The following CDK20 variants were observed in gnomAD, a reference collection of about 807,000 sequenced individuals.
The protein encoded by CDK20 is cyclin dependent kinase 20.
In CDK20, 40 loss-of-function variants were observed where a neutral mutation model predicts 38.6. The observed-to-expected ratio is 1.04, with a 90% CI of 0.81 to 1.35. CDK20 has a LOEUF of 1.35. Ranked by LOEUF, CDK20 falls within the 40% of genes most tolerant of loss-of-function variation. CDK20 has a pLI of 0.00. For synonymous variants in CDK20, 209 were observed against 185.7 expected, an observed-to-expected ratio of 1.13 and a Z score of -1.02; for missense variants, 512 against 452.6, an observed-to-expected ratio of 1.13 and a Z score of -1.19.
chr9:87,974,202 C>A, intron 1 of CDK20, 167 bp from the exon 2 acceptor site: 1 of 1,321,302 alleles, frequency 7.6e-7, no homozygotes. Context: ...GGGTAGGGGA[C>A]CAAGCCAGCT....
intron 6 of CDK20, 115 bp downstream of exon 6, chr9:87,969,681 C>G: frequency 6.7e-7 from 1 of 1,493,846 alleles, no homozygotes; most frequent in Non-Finnish European, 9.1e-7. Context: ...TGGTCCCTGT[C>G]CATCAAGGGG....
At chr9:87,967,708 G>C in intron 7 of CDK20, 49 bp from the exon 8 acceptor site, 1 of 1,422,030 alleles carries the variant, frequency 7.0e-7, no homozygotes, top group Non-Finnish European at 9.3e-7. Flanking sequence ...TCACCTCCCT[G>C]TCCCCAGCCT....
Position 87,966,726 on chromosome 9 carries a change from C to A in CDK20, c.*736G>T. Reference sequence around the variant, plus strand: ...CCTGAGGGAGTAGATGTTGGTAAACCAGCCTCATGTGCAGAGGGTCTCCTG... The same window carrying A: ...CCTGAGGGAGTAGATGTTGGTAAACAAGCCTCATGTGCAGAGGGTCTCCTG... On this transcript the variant is annotated 3_prime_UTR_variant, in exon 8 of 8. Transcript: ENST00000325303. 1 of 265,722 alleles carries A rather than the reference C, an allele frequency of 3.8e-6. No individual in the cohort carries two copies. The highest frequency in any genetic ancestry group is 7.5e-6 in the Non-Finnish European group (1 of 134,080). 16.5% of individuals were successfully genotyped at this position (265,722 alleles called of 1,614,324 possible). A position where few individuals can be genotyped will look rare whatever the true frequency, so the allele number is the denominator to read the frequency against.
At chr9:87,969,700 C>T (rs1829711980) in intron 6 of CDK20, 96 bp downstream of exon 6, 2 of 1,561,168 alleles carry the variant, frequency 1.3e-6, no homozygotes, top group South Asian at 2.4e-5. Context: ...GGGGTTGGGG[C>T]CAGGAGAGAG....
intron 2 of CDK20, among the ~76,000 whole-genome samples, chr9:87,973,230 G>T (rs929153839): frequency 6.6e-6 from 1 of 152,144 alleles, no homozygotes; most frequent in Admixed American, 6.5e-5. Context: ...AATGACACTA[G>T]GGGTGAAAGA....
chr9:87,973,038 T>C (rs1348075432), intron 2 of CDK20, among the ~76,000 whole-genome samples: 1 of 152,108 alleles, frequency 6.6e-6, no homozygotes, highest in South Asian at 2.1e-4. Flanking sequence ...CACACACAAA[T>C]ACACATTCAC....
Position 87,970,535 on chromosome 9 carries a change from A to G in CDK20, c.563+33T>C. The G allele has an allele frequency of 3.1e-6, 5 of 1,596,840 alleles. No homozygotes were observed. In the South Asian group the frequency reaches 4.4e-5, roughly 14 times the overall value. On this transcript the variant is annotated intron_variant, in intron 5 of 7. Coordinates refer to ENST00000325303, the MANE Select transcript of CDK20 (RefSeq NM_001039803.3). ...AGAGCCTAGCAGAAATCCATGAGCC[A>G]TGTTACCCTTTGACCACCCACAGGG...
intron 6 of CDK20, 58 bp downstream of exon 6, chr9:87,969,738 G>A: frequency 6.2e-7 from 1 of 1,608,788 alleles, no homozygotes. Context: ...GTGGTTACTT[G>A]CTGTTGGGAG....
At chr9:87,973,803 G>A (rs1830031556) in intron 2 of CDK20, 119 bp downstream of exon 2, 6 of 1,049,868 alleles carry the variant, frequency 5.7e-6, no homozygotes, top group Non-Finnish European at 7.1e-6. Context: ...GTGTGTGTGA[G>A]TGACAGCGGG....
intron 5 of CDK20, 69 bp from the exon 6 acceptor site, chr9:87,969,988 G>C: frequency 6.8e-7 from 1 of 1,477,282 alleles, no homozygotes; most frequent in Non-Finnish European, 9.0e-7. Context: ...CCACAGAGCA[G>C]CTCTAACACT....
chr9:87,967,242 G>A lies in CDK20; in HGVS notation c.*220C>T, dbSNP rs756519899. The A allele has an allele frequency of 1.4e-6, 1 of 697,328 alleles. No individual in the cohort carries two copies. Among genetic ancestry groups the A allele is most frequent in the Non-Finnish European group, 2.6e-6 (1 of 381,118 alleles). The allele number at this position is 697,328 out of a possible 1,614,324, so 43.2% of individuals were successfully genotyped here. A position where few individuals can be genotyped will look rare whatever the true frequency, so the allele number is the denominator to read the frequency against. On this transcript the variant is annotated 3_prime_UTR_variant, in exon 8 of 8. Transcript: ENST00000325303. ...CAGAAGGTAAGGCTCACCGAGCACA[G>A]GCCATGAATCTCCTCTGCTCGACTG...
chr9:87,971,172 C>T lies in CDK20; in HGVS notation c.353G>A (p.Cys118Tyr). 6.2e-7 allele frequency: 1 copy of T among 1,614,148 alleles called. No homozygotes were observed. Among genetic ancestry groups the T allele is most frequent in the Non-Finnish European group, 8.5e-7 (1 of 1,180,006 alleles). The change falls in exon 3 of 8, where the codon TGC (cysteine) becomes TAC (tyrosine). Residue 118 changes from cysteine to tyrosine, a missense_variant. Cys to Tyr is a radical substitution (Grantham distance 194). Coordinates refer to ENST00000325303, the MANE Select transcript of CDK20 (RefSeq NM_001039803.3). ...CCGATGTACAATGTTGTTGGCATGG[C>T]AGAAGGCGACACCCTTGAGCAGCAT... The part of the protein sequence containing the change: ...LQMLLKGVAF[C>Y]HANNIVHRDL...
chr9:87,970,719 G>A, intron 4 of CDK20, 57 bp downstream of exon 4: 2 of 1,612,854 alleles, frequency 1.2e-6, no homozygotes, highest in East Asian at 2.2e-5. Context: ...CTGGAGAAAA[G>A]GCCCAGAAGC....
chr9:87,967,681 C>G, intron 7 of CDK20, 22 bp from the exon 8 acceptor site: 1 of 1,458,282 alleles, frequency 6.9e-7, no homozygotes, highest in African/African-American at 1.4e-5. Flanking sequence ...AAGTAAGGAA[C>G]AGCAGAAGGA....
At chr9:87,973,800 T>A (rs1245745342) in intron 2 of CDK20, 122 bp downstream of exon 2, 4 of 1,007,708 alleles carry the variant, frequency 4.0e-6, no homozygotes, top group Non-Finnish European at 6.0e-6. Flanking sequence ...GCAGTGTGTG[T>A]GAGTGACAGC....
At chr9:87,968,987 T>A (rs974527206) in intron 7 of CDK20, 4 of 586,580 alleles carry the variant, frequency 6.8e-6, no homozygotes, top group South Asian at 2.2e-5. Context: ...AGGGGAAGTC[T>A]GGGGATGTCC....
At position 87,970,018 on chromosome 9, in the gene CDK20, C is replaced by T. The variant is rs932178234; in HGVS notation, c.564-99G>A. 30 of 1,375,152 alleles carry T rather than the reference C, an allele frequency of 2.2e-5. No homozygotes were observed. The South Asian group carries it at 4.3e-4, about 20-fold the overall frequency. 85.2% of individuals were successfully genotyped at this position (1,375,152 alleles called of 1,614,324 possible). A position where few individuals can be genotyped will look rare whatever the true frequency, so the allele number is the denominator to read the frequency against. On this transcript the variant is annotated intron_variant, in intron 5 of 7. Coordinates refer to ENST00000325303, the MANE Select transcript of CDK20 (RefSeq NM_001039803.3). ...AACACTGCACTCCAGGGCAAGGCCC[C>T]ACAAGCCAGCCCTGGAGCCTCACGT...
chr9:87,971,451 AAAG>A, intron 2 of CDK20, 116 bp from the exon 3 acceptor site: 3 of 904,848 alleles, frequency 3.3e-6, no homozygotes, highest in Non-Finnish European at 5.0e-6. Flanking sequence ...GACAGTAAGC[AAAG>A]AAGGTGACGT....
Position 87,974,001 on chromosome 9 carries a change from A to T in CDK20, c.110T>A (p.Leu37Gln). ...AGGGAAGCCGTCCTCCAACCGCCTT[A>T]GGGCCACCTTCTTGAGGGCAACTAT... Reference protein sequence around the residue: ...GEIVALKKVALRRLEDGFPNQ... With the variant: ...GEIVALKKVAQRRLEDGFPNQ... Residue 37 changes from leucine to glutamine, a missense_variant, in exon 2 of 8, where the codon CTA becomes CAA. Coordinates refer to ENST00000325303, the MANE Select transcript of CDK20 (RefSeq NM_001039803.3). 6.2e-7 allele frequency: 1 copy of T among 1,614,138 alleles called. No individual in the cohort carries two copies. The highest frequency in any genetic ancestry group is 8.5e-7 in the Non-Finnish European group (1 of 1,180,016).
Sources: gnomAD v4.1 joint callset for allele counts (sites outside exome capture counted in the v4.1 genomes callset) on GRCh38, gnomAD v4.1.1 for gene constraint, MANE v1.5 for transcripts, NCBI Gene and HGNC (gene_info 2026-07-23, HGNC 2026-07-21) for gene names.